The following KIF6 variants were observed in gnomAD, a reference collection of about 807,000 sequenced individuals.
KIF6 encodes the protein kinesin-like protein KIF6.
A neutral mutation model predicts 112.7 loss-of-function variants in KIF6; 106 were observed. That is an observed-to-expected ratio of 0.94 (90% CI 0.80 to 1.11). KIF6 has a LOEUF of 1.11. KIF6 is among the 50% of genes least tolerant of loss of function. KIF6 has a pLI of 0.00. For missense variants in KIF6, 929 were observed against 964.0 expected (o/e 0.96, Z 0.48); for synonymous variants, 339 against 339.9 (o/e 1.00, Z 0.03).
rs112690277 is a variant in KIF6 at position 39,405,618 on chromosome 6, T to C, written c.1810+14330A>G. 7.8e-3 allele frequency among the ~76,000 whole-genome samples: 1,187 copies of C among 152,306 alleles called. 15 individuals carry two copies. The highest frequency in any genetic ancestry group is 0.027 in the African/African-American group (1,131 of 41,562). ...ATTGTTGTATTCAATATGCTAGTATTTGTGTATATTTATGGGGGATTTAGT... is the reference window on the plus strand; with the variant it reads ...ATTGTTGTATTCAATATGCTAGTATCTGTGTATATTTATGGGGGATTTAGT... On this transcript the variant is annotated intron_variant, in intron 15 of 22. Coordinates refer to ENST00000287152, the MANE Select transcript of KIF6 (RefSeq NM_145027.6).
intron 5 of KIF6, among the ~76,000 whole-genome samples, chr6:39,626,686 G>A (rs552721754): frequency 2.6e-5 from 4 of 152,144 alleles, no homozygotes; most frequent in African/African-American, 9.6e-5. Flanking sequence ...AGATTTTCCT[G>A]GTATTTCAAA....
chr6:39,536,265 T>G (rs1374164749), intron 13 of KIF6, among the ~76,000 whole-genome samples: 1 of 151,184 alleles, frequency 6.6e-6, no homozygotes, highest in Non-Finnish European at 1.5e-5. Context: ...AAAAAATTAA[T>G]GAATCCAGGA....
chr6:39,552,289 A>G (rs145187468), intron 10 of KIF6, among the ~76,000 whole-genome samples: 7 of 152,348 alleles, frequency 4.6e-5, no homozygotes, highest in Non-Finnish European at 8.8e-5. Context: ...TTTAGGGACT[A>G]TCATAGTCTG....
chr6:39,722,236 A>C (rs1320526995), intron 1 of KIF6, among the ~76,000 whole-genome samples: 1 of 152,158 alleles, frequency 6.6e-6, no homozygotes, highest in Non-Finnish European at 1.5e-5. Flanking sequence ...ATCCATTTTT[A>C]AAAAGTCTAT....
intron 9 of KIF6, among the ~76,000 whole-genome samples, chr6:39,583,864 A>C (rs1235608297): frequency 6.6e-6 from 1 of 151,824 alleles, no homozygotes; most frequent in Non-Finnish European, 1.5e-5. Context: ...TCAGTGTTGC[A>C]TTTCATTTAC....
chr6:39,710,967 C>T (rs1483525862), intron 3 of KIF6, among the ~76,000 whole-genome samples: 1 of 151,356 alleles, frequency 6.6e-6, no homozygotes, highest in Non-Finnish European at 1.5e-5. Flanking sequence ...ATCAAGGCTG[C>T]AGTGAGCTGT....
intron 10 of KIF6, among the ~76,000 whole-genome samples, chr6:39,559,882 G>T (rs768468733): frequency 6.7e-6 from 1 of 150,014 alleles, no homozygotes; most frequent in Non-Finnish European, 1.5e-5. Context: ...TGTTTTTAAG[G>T]CAAAACTATT....
intron 13 of KIF6, among the ~76,000 whole-genome samples, chr6:39,486,803 C>A (rs17353166): frequency 0.031 from 4,703 of 152,130 alleles, 104 homozygotes; most frequent in Middle Eastern, 0.071. Flanking sequence ...TTGCATGAAC[C>A]CAGCAATGTT....
At chr6:39,423,159 C>T (rs1770502046) in intron 14 of KIF6, among the ~76,000 whole-genome samples, 1 of 152,132 alleles carries the variant, frequency 6.6e-6, no homozygotes, top group South Asian at 2.1e-4. Flanking sequence ...GTCACCTGCA[C>T]ACAAAATCCT....
rs964244333 is a variant in KIF6, at chr6:39,343,147, G to A, written c.2428+562C>T. On this transcript the variant is annotated intron_variant, in intron 22 of 22. Coordinates refer to ENST00000287152, the MANE Select transcript of KIF6 (RefSeq NM_145027.6). The surrounding 1 kb of genome is among the most constrained non-coding windows in gnomAD (Gnocchi z 4.1). ...GGGCAGCTGCCAAGAGGACGGGGCT[G>A]GGGGTGGAGGGGGCAGTGATGCAGA... 3.0e-6 allele frequency: 3 copies of A among 985,232 alleles called. No individual in the cohort carries two copies. The Admixed American group carries it at 1.8e-4, about 61-fold the overall frequency. The allele number at this position is 985,232 out of a possible 1,614,324, so 61.0% of individuals were successfully genotyped here.
intron 13 of KIF6, among the ~76,000 whole-genome samples, chr6:39,466,032 G>A (rs922808823): frequency 6.6e-6 from 1 of 152,102 alleles, no homozygotes; most frequent in Admixed American, 6.5e-5. Context: ...CATATTACAT[G>A]GCAAGTGCTT....
At chr6:39,597,738 C>T (rs556541470) in intron 6 of KIF6, among the ~76,000 whole-genome samples, 33 of 152,078 alleles carry the variant, frequency 2.2e-4, no homozygotes, top group African/African-American at 7.9e-4. Context: ...ATATAAAACA[C>T]AAAAATAAAT....
At chr6:39,654,002 T>G (rs1015507508) in intron 3 of KIF6, among the ~76,000 whole-genome samples, 2 of 152,334 alleles carry the variant, frequency 1.3e-5, no homozygotes, top group East Asian at 3.9e-4. Flanking sequence ...TGGCCCATTA[T>G]TAGGACCTTG....
intron 3 of KIF6, among the ~76,000 whole-genome samples, chr6:39,650,201 T>C (rs1330153414): frequency 6.6e-6 from 1 of 152,154 alleles, no homozygotes; most frequent in Non-Finnish European, 1.5e-5. Flanking sequence ...ATCTTCGAGG[T>C]CTTAAGCACA....
intron 16 of KIF6, among the ~76,000 whole-genome samples, chr6:39,368,463 A>G (rs747298322): frequency 2.6e-5 from 4 of 152,182 alleles, no homozygotes; most frequent in Non-Finnish European, 5.9e-5. Flanking sequence ...TCCAATAATG[A>G]AGGAAGCCAC....
intron 6 of KIF6, among the ~76,000 whole-genome samples, chr6:39,604,171 A>G (rs1042214113): frequency 2.0e-5 from 3 of 152,076 alleles, no homozygotes; most frequent in African/African-American, 7.2e-5. Context: ...GAAGACTGAA[A>G]ATGCTAACTT....
chr6:39,354,654 T>C (rs1562123377), intron 19 of KIF6, among the ~76,000 whole-genome samples: 1 of 152,096 alleles, frequency 6.6e-6, no homozygotes, highest in Admixed American at 6.6e-5. Context: ...GTCATGGTGG[T>C]CACTAATTGG....
chr6:39,606,611 T>C (rs1007058966), intron 6 of KIF6, among the ~76,000 whole-genome samples: 1 of 152,138 alleles, frequency 6.6e-6, no homozygotes, highest in Non-Finnish European at 1.5e-5. Flanking sequence ...TCCTCAATAT[T>C]TCACATGAAT....
chr6:39,339,947 G>C (rs554674705), intron 22 of KIF6, among the ~76,000 whole-genome samples: 1 of 152,314 alleles, frequency 6.6e-6, no homozygotes, highest in South Asian at 2.1e-4. Context: ...CCAAGGCAGC[G>C]CTGTGAGCTA....
Sources: allele counts gnomAD v4.1 joint callset (sites outside exome capture counted in the v4.1 genomes callset), GRCh38; gene constraint gnomAD v4.1.1; non-coding constraint Gnocchi (gnomAD v3.1); transcripts MANE v1.5; gene names NCBI Gene and HGNC (gene_info 2026-07-23, HGNC 2026-07-21).